TBC1D9B: variants seen among roughly 807,000 people sequenced by gnomAD.
The protein encoded by TBC1D9B is TBC1 domain family, member 9B (with GRAM domain).
Under a neutral mutation model 121.1 loss-of-function variants are expected in TBC1D9B, and 87 were observed. That is an observed-to-expected ratio of 0.72 (90% CI 0.60 to 0.86). The LOEUF is 0.86. Among genes scored for constraint, TBC1D9B ranks in the 40% least tolerant of loss-of-function variants. The probability of loss-of-function intolerance (pLI) is 0.00; values close to 1 mark genes in which losing one functional copy is unlikely to be tolerated. For missense variants in TBC1D9B, 1,540 were observed against 1,628.6 expected (o/e 0.95, Z 0.94); for synonymous variants, 668 against 670.1 (o/e 1.00, Z 0.05).
intron 7 of TBC1D9B, chr5:179,880,059 C>G: frequency 7.5e-6 from 4 of 533,694 alleles, no homozygotes; most frequent in Non-Finnish European, 1.3e-5. Context: ...CTGGGCTCAC[C>G]CTGTGGGGCC....
Position 179,894,452 on chromosome 5 carries a change from G to A in TBC1D9B, c.511C>T (p.Arg171Trp), listed in dbSNP as rs190115688. 295 of 1,614,108 alleles carry A rather than the reference G, an allele frequency of 1.8e-4. No homozygotes were observed. Among genetic ancestry groups the A allele is most frequent in the Non-Finnish European group, 2.4e-4 (289 of 1,179,996 alleles). The change falls in exon 4 of 21, where the codon CGG becomes TGG. Residue 171 changes from arginine (R) to tryptophan (W), a missense_variant. Arg to Trp is a moderately radical substitution (Grantham distance 101). Coordinates refer to ENST00000355235, the MANE Select transcript of TBC1D9B (RefSeq NM_015043.4). ...SCSYWKGRVP[R>W]QGWLYLTVNH... ...ACCGTCAGGTACAGCCAGCCCTGCC[G>A]GGGCACGCGGCCCTTCCAGTAGCTG...
rs145381335 is a variant in TBC1D9B, at chr5:179,863,802, G to A, written c.3348C>T (p.Gly1116=). ...ESQVVVEGGS[G]EGQGSPSQLL... ...GCTGGGAGGGTGAGCCCTGTCCCTCGCCGCTGCCCCCCTCCACCACCACCT... is the reference window on the plus strand; with the variant it reads ...GCTGGGAGGGTGAGCCCTGTCCCTCACCGCTGCCCCCCTCCACCACCACCT... The change falls in exon 21 of 21, where the codon GGC becomes GGT. Residue 1116 remains glycine (G), a synonymous_variant. Coordinates refer to ENST00000355235, the MANE Select transcript of TBC1D9B (RefSeq NM_015043.4). This position sits in a 1 kb window ranked among gnomAD's most constrained non-coding sequence, Gnocchi z 4.5. 424 of 1,613,482 alleles carry A rather than the reference G, an allele frequency of 2.6e-4. No individual in the cohort carries two copies. Among genetic ancestry groups the A allele is most frequent in the Non-Finnish European group, 3.3e-4 (385 of 1,179,994 alleles).
At chr5:179,887,806 G>A in intron 7 of TBC1D9B, 4 of 474,508 alleles carry the variant, frequency 8.4e-6, no homozygotes, top group Non-Finnish European at 1.5e-5. Flanking sequence ...TCCACAGTGT[G>A]GCTTTGCTCT....
chr5:179,872,638 T>C, intron 14 of TBC1D9B: 1 of 522,982 alleles, frequency 1.9e-6, no homozygotes, highest in Non-Finnish European at 3.4e-6. Flanking sequence ...GGGCTGGGCA[T>C]GTGGCTTTCA....
At chr5:179,898,120 A>C (rs1413707756) in intron 3 of TBC1D9B, among the ~76,000 whole-genome samples, 2 of 150,254 alleles carry the variant, frequency 1.3e-5, no homozygotes, top group African/African-American at 4.9e-5. Flanking sequence ...GTTTGAGACT[A>C]GCCTGGCCAA....
rs570920386 is a variant in TBC1D9B, at chr5:179,885,595, A to C, written c.1254+2508T>G. ...CAGAGCAAGACTCTGTCCCCCCCCCAAAAAAAAAAAGATGGAGGTATTTTA... is the reference window on the plus strand; with the variant it reads ...CAGAGCAAGACTCTGTCCCCCCCCCCAAAAAAAAAAGATGGAGGTATTTTA... On this transcript the variant is annotated intron_variant, in intron 7 of 20. Transcript: ENST00000355235. The surrounding 1 kb of genome is among the most constrained non-coding windows in gnomAD (Gnocchi z 4.5). Among the ~76,000 whole-genome samples the C allele has an allele frequency of 0.051, 2,661 of 51,718 alleles. 83 individuals carry two copies. The highest frequency in any genetic ancestry group is 0.12 in the African/African-American group (2,353 of 20,002). The allele number at this position is 51,718 out of a possible 152,430, so 33.9% of individuals were successfully genotyped here. A position where few individuals can be genotyped will look rare whatever the true frequency, so the allele number is the denominator to read the frequency against.
At chr5:179,879,492 G>A (rs916073398) in intron 8 of TBC1D9B, 136 bp downstream of exon 8, 1 of 1,360,494 alleles carries the variant, frequency 7.4e-7, no homozygotes, top group Non-Finnish European at 1.0e-6. Flanking sequence ...ACGCTGCCAG[G>A]GTGCAGCCTG....
Position 179,867,808 on chromosome 5 carries a change from G to A in TBC1D9B, c.2833C>T (p.His945Tyr). Residue 945 changes from histidine to tyrosine, a missense_variant, in exon 18 of 21, where the codon CAT (histidine) becomes TAT (tyrosine). Transcript: ENST00000355235. The part of the protein sequence containing the change: ...EEAESALEAA[H>Y]YFTEDSSSEE... ...GAGGAGCTGTCCTCTGTGAAATAAT[G>A]GGCCGCCTCCAGGGCTGACTCGGCT... The A allele has an allele frequency of 6.5e-7, 1 of 1,539,532 alleles. No homozygotes were observed. Among genetic ancestry groups the A allele is most frequent in the Non-Finnish European group, 8.8e-7 (1 of 1,141,996 alleles).
intron 14 of TBC1D9B, chr5:179,872,572 C>G (rs1760235525): frequency 8.2e-6 from 3 of 366,628 alleles, no homozygotes; most frequent in Non-Finnish European, 1.0e-5. Context: ...CATGTTGCTA[C>G]CTGGGAGTGG....
intron 15 of TBC1D9B, among the ~76,000 whole-genome samples, chr5:179,871,100 C>T (rs1423820447): frequency 2.0e-5 from 3 of 152,206 alleles, no homozygotes; most frequent in Non-Finnish European, 4.4e-5. Flanking sequence ...GTGCAGAGGA[C>T]ATCAGAGATG....
Position 179,863,574 on chromosome 5 carries a change from C to T in TBC1D9B, c.3576G>A (p.Thr1192=), listed in dbSNP as rs762863672. The T allele has an allele frequency of 2.1e-5, 34 of 1,614,180 alleles. No homozygotes were observed. Among genetic ancestry groups the T allele is most frequent in the African/African-American group, 1.1e-4 (8 of 75,034 alleles). Residue 1192 remains threonine (T), a synonymous_variant, in exon 21 of 21, where the codon ACG becomes ACA. Transcript: ENST00000355235. The surrounding 1 kb of genome is among the most constrained non-coding windows in gnomAD (Gnocchi z 4.5). ...SFEQILASIL[T]ESVLVNFFEK... is the part of the protein sequence containing the mutation. ...CAAAGAAGTTCACCAGCACGGACTC[C>T]GTCAGGATGGAGGCCAGGATCTGCT... is the stretch of plus-strand genomic sequence containing the variant.
chr5:179,900,600 G>C (rs1761139375), intron 2 of TBC1D9B, among the ~76,000 whole-genome samples: 1 of 152,198 alleles, frequency 6.6e-6, no homozygotes, highest in South Asian at 2.1e-4. Context: ...CACAGGGTTA[G>C]GTTCCTGGAG....
rs368522594 is a variant in TBC1D9B, at chr5:179,868,056, T to C, written c.2792-207A>G. On this transcript the variant is annotated intron_variant, in intron 17 of 20. Coordinates refer to ENST00000355235, the MANE Select transcript of TBC1D9B (RefSeq NM_015043.4). The stretch of plus-strand genomic sequence containing the variant: ...GTTACTTTCCTCAGCTTTTTTTTTT[T>C]TAATGGACTCTCACTTTATCACCCA... The C allele has an allele frequency of 8.1e-3, 3,448 of 426,126 alleles. 23 individuals are homozygous for C. The highest frequency in any genetic ancestry group is 0.025 in the Middle Eastern group (41 of 1,624). The allele number at this position is 426,126 out of a possible 1,614,324, so 26.4% of individuals were successfully genotyped here.
At chr5:179,866,276 A>G in intron 18 of TBC1D9B, 1 of 197,786 alleles carries the variant, frequency 5.1e-6, no homozygotes, top group Non-Finnish European at 1.0e-5. Flanking sequence ...ACTCAGGGGA[A>G]CCCTAATGAC....
chr5:179,888,994 C>A (rs377763450), intron 6 of TBC1D9B, among the ~76,000 whole-genome samples: 1 of 151,470 alleles, frequency 6.6e-6, no homozygotes, highest in South Asian at 2.1e-4. Flanking sequence ...GCCAGAGAAG[C>A]CAGGACAGTG....
intron 14 of TBC1D9B, 179 bp downstream of exon 14, chr5:179,872,713 C>A (rs1760238252): frequency 9.7e-6 from 6 of 616,168 alleles, no homozygotes; most frequent in Non-Finnish European, 1.7e-5. Context: ...TGACTGGAAC[C>A]TCTCCCCACA....
Position 179,891,889 on chromosome 5 carries a change from C to G in TBC1D9B, c.837-303G>C. 6.6e-6 allele frequency among the ~76,000 whole-genome samples: 1 copy of G among 152,164 alleles called. No homozygotes were observed. The highest frequency in any genetic ancestry group is 1.5e-5 in the Non-Finnish European group (1 of 68,016). On this transcript the variant is annotated intron_variant, in intron 5 of 20. Coordinates refer to ENST00000355235, the MANE Select transcript of TBC1D9B (RefSeq NM_015043.4). This position sits in a 1 kb window ranked among gnomAD's most constrained non-coding sequence, Gnocchi z 4.3. ...GGCCTGGGCAATGTGCAACCCATCC[C>G]TCGGTACTGATGGGCAAGCAGAGCC...
intron 9 of TBC1D9B, 99 bp from the exon 10 acceptor site, chr5:179,878,622 G>T: frequency 8.5e-7 from 1 of 1,172,810 alleles, no homozygotes; most frequent in Non-Finnish European, 1.2e-6. Context: ...ACAGAGGAGA[G>T]GTGGGACTTG....
chr5:179,875,248 C>T lies in TBC1D9B; in HGVS notation c.1901-61G>A. ...ACCCTGTGGCCTGGGTGGGCCCTCA[C>T]CTGCAGCGTACGAGCCCTGGCCACT... is the stretch of plus-strand genomic sequence containing the variant. On this transcript the variant is annotated intron_variant, in intron 11 of 20. Coordinates refer to ENST00000355235, the MANE Select transcript of TBC1D9B (RefSeq NM_015043.4). The surrounding 1 kb of genome is among the most constrained non-coding windows in gnomAD (Gnocchi z 4.5). 6.4e-7 allele frequency: 1 copy of T among 1,573,046 alleles called. No individual in the cohort carries two copies.
Sources: gnomAD v4.1 joint callset for allele counts (sites outside exome capture counted in the v4.1 genomes callset) on GRCh38, gnomAD v4.1.1 for gene constraint, Gnocchi (gnomAD v3.1) non-coding constraint, MANE v1.5 for transcripts, NCBI Gene and HGNC (gene_info 2026-07-23, HGNC 2026-07-21) for gene names.